The following KLHL20 variants were observed in gnomAD, a reference collection of about 807,000 sequenced individuals.
KLHL20 encodes the protein kelch-like protein 20.
Under a neutral mutation model 69.5 loss-of-function variants are expected in KLHL20, and 29 were observed. The observed-to-expected ratio is 0.42, with a 90% CI of 0.31 to 0.57. The LOEUF is 0.57. Among genes scored for constraint, KLHL20 ranks in the 20% least tolerant of loss-of-function variants. The pLI is 0.18. For synonymous variants in KLHL20, 253 were observed against 265.2 expected (o/e 0.95, Z 0.45); for missense variants, 419 against 776.0 (o/e 0.54, Z 5.47).
Position 173,782,161 on chromosome 1 carries a change from T to G in KLHL20, c.1676T>G (p.Val559Gly). The G allele has an allele frequency of 2.5e-6, 4 of 1,614,112 alleles. No individual in the cohort carries two copies. The highest frequency in any genetic ancestry group is 3.4e-6 in the Non-Finnish European group (4 of 1,179,984). ...GTGGTCAATGGACAGCTCATGGCAGTAGGAGGTTTTGATGGCACAACATAC... is the reference window on the plus strand; with the variant it reads ...GTGGTCAATGGACAGCTCATGGCAGGAGGAGGTTTTGATGGCACAACATAC... ...LAVVNGQLMA[V>G]GGFDGTTYLK... The change falls in exon 11 of 12, where the codon GTA becomes GGA. Residue 559 changes from valine (V) to glycine (G), a missense_variant. This residue lies in a region of KLHL20 where 79 missense variants were observed against 154.4 expected (regional missense o/e 0.51). Transcript: ENST00000209884.
intron 8 of KLHL20, among the ~76,000 whole-genome samples, chr1:173,768,967 G>A (rs572264718): frequency 2.8e-4 from 43 of 152,278 alleles, no homozygotes; most frequent in African/African-American, 8.7e-4. Context: ...TAGCTAACAC[G>A]TAGTAAATAG....
chr1:173,765,428 G>A (rs532939052), intron 7 of KLHL20, among the ~76,000 whole-genome samples: 2 of 152,142 alleles, frequency 1.3e-5, no homozygotes, highest in East Asian at 3.9e-4. Flanking sequence ...GCGTGAACCC[G>A]GGAGGCGGAG....
chr1:173,761,205 C>A (rs960210017), intron 7 of KLHL20, among the ~76,000 whole-genome samples: 24 of 152,132 alleles, frequency 1.6e-4, no homozygotes, highest in Non-Finnish European at 4.4e-5. Flanking sequence ...AACATACATG[C>A]ACCTAACACT....
At chr1:173,765,055 T>C (rs1214340858) in intron 7 of KLHL20, among the ~76,000 whole-genome samples, 4 of 152,120 alleles carry the variant, frequency 2.6e-5, no homozygotes, top group East Asian at 3.9e-4. Flanking sequence ...ATATAACTTA[T>C]ATGCATTTGG....
intron 3 of KLHL20, 95 bp downstream of exon 3, chr1:173,734,381 G>A (rs770798012): frequency 9.8e-6 from 10 of 1,019,500 alleles, no homozygotes; most frequent in Non-Finnish European, 1.5e-5. Context: ...ATTTCCTGCT[G>A]ATTCTAACTC....
At chr1:173,771,598 G>T (rs1463808450) in intron 8 of KLHL20, among the ~76,000 whole-genome samples, 1 of 152,034 alleles carries the variant, frequency 6.6e-6, no homozygotes, top group Non-Finnish European at 1.5e-5. Flanking sequence ...TGTTAAAAAT[G>T]TATATATGTA....
chr1:173,751,698 A>T, intron 3 of KLHL20, 66 bp from the exon 4 acceptor site: 1 of 1,518,126 alleles, frequency 6.6e-7, no homozygotes, highest in Non-Finnish European at 9.1e-7. Context: ...ATAACCCTGA[A>T]GAAAAACACT....
At chr1:173,776,170 T>G (rs1311711752) in intron 10 of KLHL20, among the ~76,000 whole-genome samples, 2 of 152,246 alleles carry the variant, frequency 1.3e-5, no homozygotes, top group African/African-American at 4.8e-5. Flanking sequence ...TTCATTTCCA[T>G]TTCTCTAATG....
intron 7 of KLHL20, among the ~76,000 whole-genome samples, chr1:173,761,458 T>C (rs887149488): frequency 6.6e-6 from 1 of 152,166 alleles, no homozygotes; most frequent in Non-Finnish European, 1.5e-5. Flanking sequence ...CTCATGGAAC[T>C]TTCTCCAAGA....
intron 11 of KLHL20, among the ~76,000 whole-genome samples, chr1:173,782,973 C>G (rs1648973539): frequency 6.6e-6 from 1 of 152,114 alleles, no homozygotes; most frequent in Non-Finnish European, 1.5e-5. Context: ...ATATTTTATA[C>G]TTGAATCACA....
At chr1:173,767,364 G>T (rs920142483) in intron 8 of KLHL20, among the ~76,000 whole-genome samples, 5 of 152,058 alleles carry the variant, frequency 3.3e-5, no homozygotes, top group Admixed American at 1.3e-4. Context: ...GAGAGTACAG[G>T]TATCTCTTCA....
intron 7 of KLHL20, among the ~76,000 whole-genome samples, chr1:173,762,679 G>A (rs1324083364): frequency 6.6e-6 from 1 of 152,156 alleles, no homozygotes; most frequent in African/African-American, 2.4e-5. Flanking sequence ...ACAAAACCCA[G>A]CATCACTTTA....
At chr1:173,763,635 G>A (rs917269151) in intron 7 of KLHL20, among the ~76,000 whole-genome samples, 1 of 152,064 alleles carries the variant, frequency 6.6e-6, no homozygotes, top group African/African-American at 2.4e-5. Context: ...ATAAAGGGGG[G>A]CAAGAACACT....
intron 2 of KLHL20, among the ~76,000 whole-genome samples, chr1:173,725,332 AT>A (rs1671904679): frequency 6.6e-6 from 1 of 152,200 alleles, no homozygotes; most frequent in African/African-American, 2.4e-5. Flanking sequence ...AAGCTTCTTG[AT>A]TTTGAGTAAG....
Position 173,740,207 on chromosome 1 carries a change from C to T in KLHL20, c.597+5921C>T, listed in dbSNP as rs145226984. Among the ~76,000 whole-genome samples the T allele has an allele frequency of 2.6e-4, 39 of 150,414 alleles. No homozygotes were observed. In the East Asian group the frequency reaches 4.8e-3, roughly 18 times the overall value. The stretch of plus-strand genomic sequence containing the variant: ...CGCGATTTCGGCTCACTGCAAGCTC[C>T]GCCTTCTGGGTTCACGCCATTCTCC... On this transcript the variant is annotated intron_variant, in intron 3 of 11. Transcript: ENST00000209884.
Position 173,746,850 on chromosome 1 carries a change from A to G in KLHL20, c.598-4914A>G, listed in dbSNP as rs545737344. Among the ~76,000 whole-genome samples the G allele has an allele frequency of 2.0e-4, 31 of 152,090 alleles. No homozygotes were observed. The East Asian group carries it at 2.3e-3, about 11-fold the overall frequency. On this transcript the variant is annotated intron_variant, in intron 3 of 11. Transcript: ENST00000209884. The stretch of plus-strand genomic sequence containing the variant: ...TTTTCATTCTTTTGTATTAACTACT[A>G]TAAGTATTTAAAGCTATTCTTCTCG...
chr1:173,758,991 G>A (rs569286975), intron 7 of KLHL20, among the ~76,000 whole-genome samples: 4 of 152,148 alleles, frequency 2.6e-5, no homozygotes, highest in Non-Finnish European at 5.9e-5. Context: ...CCTGCTGCCC[G>A]CCTGTGGCCT....
chr1:173,724,799 T>C (rs1671881361), intron 2 of KLHL20, among the ~76,000 whole-genome samples: 1 of 152,164 alleles, frequency 6.6e-6, no homozygotes, highest in African/African-American at 2.4e-5. Context: ...AGCAAGACCC[T>C]GTCGCAAAGA....
At chr1:173,774,903 C>T (rs928449831) in intron 9 of KLHL20, among the ~76,000 whole-genome samples, 3 of 152,094 alleles carry the variant, frequency 2.0e-5, no homozygotes, top group African/African-American at 7.2e-5. Flanking sequence ...CTCTACCTCC[C>T]GGACTCAAGC....
Sources: allele counts gnomAD v4.1 joint callset (sites outside exome capture counted in the v4.1 genomes callset), GRCh38; gene constraint gnomAD v4.1.1; regional missense constraint gnomAD v4.1.1; transcripts MANE v1.5; gene names NCBI Gene and HGNC (gene_info 2026-07-23, HGNC 2026-07-21).